Variants in SYCP2 observed in about 807,000 individuals in gnomAD.
SYCP2 encodes synaptonemal complex lateral element protein.
SYCP2 carries 55 observed loss-of-function variants against 211.3 expected under a neutral mutation model. The ratio of observed to expected loss-of-function variants is 0.26; its 90% CI spans 0.21 to 0.33. SYCP2 has a LOEUF of 0.33. Ranked by LOEUF, SYCP2 falls within the 10% of genes least tolerant of loss-of-function variation. The pLI is 1.00. For synonymous variants in SYCP2, 570 were observed against 555.2 expected (o/e 1.03, Z -0.37); for missense variants, 1,731 against 1,752.0 (o/e 0.99, Z 0.21).
At chr20:59,894,101 T>A (rs1364392403) in intron 20 of SYCP2, among the ~76,000 whole-genome samples, 1 of 152,060 alleles carries the variant, frequency 6.6e-6, no homozygotes, top group African/African-American at 2.4e-5. Context: ...GCTTCCCTAT[T>A]TCCATAGCCA....
At chr20:59,933,255 G>C (rs1328531877) in intron 1 of SYCP2, 1 of 151,858 alleles carries the variant, frequency 6.6e-6, no homozygotes, top group East Asian at 2.0e-4. Context: ...CCACGCGCGG[G>C]GGCGGCTCCG....
chr20:59,904,903 G>A (rs183972510), intron 15 of SYCP2, among the ~76,000 whole-genome samples: 3 of 152,246 alleles, frequency 2.0e-5, no homozygotes, highest in Non-Finnish European at 4.4e-5. Flanking sequence ...AGATGGGAAA[G>A]TGCCATATAA....
intron 9 of SYCP2, 111 bp downstream of exon 9, chr20:59,915,354 A>C: frequency 1.0e-6 from 1 of 976,342 alleles, no homozygotes. Context: ...TTATATTAAA[A>C]AGCTGCAACA....
Position 59,921,244 on chromosome 20 carries a change from C to T in SYCP2, c.168+66G>A, listed in dbSNP as rs776437681. 510 of 1,406,694 alleles carry T rather than the reference C, an allele frequency of 3.6e-4. 1 individual carries two copies. Among genetic ancestry groups the T allele is most frequent in the Admixed American group, 7.6e-4 (31 of 40,848 alleles). 87.1% of individuals were successfully genotyped at this position (1,406,694 alleles called of 1,614,324 possible). A position where few individuals can be genotyped will look rare whatever the true frequency, so the allele number is the denominator to read the frequency against. ...CTATTCATTTTTTTCTAATGGAGTA[C>T]TTCCTTCTAAAACTAGAGTTCTATC... On this transcript the variant is annotated intron_variant, in intron 4 of 44. Coordinates refer to ENST00000357552, the MANE Select transcript of SYCP2 (RefSeq NM_014258.4).
At chr20:59,912,712 G>A (rs372267546) in intron 12 of SYCP2, among the ~76,000 whole-genome samples, 13 of 152,086 alleles carry the variant, frequency 8.5e-5, no homozygotes, top group South Asian at 2.1e-4. Context: ...CCCAAATCTC[G>A]TCTTGAATGG....
chr20:59,876,895 C>T (rs2059571216), intron 33 of SYCP2, among the ~76,000 whole-genome samples: 1 of 152,106 alleles, frequency 6.6e-6, no homozygotes, highest in Non-Finnish European at 1.5e-5. Flanking sequence ...CTCATTACTT[C>T]TATAGATGGT....
At chr20:59,880,595 G>A (rs1600840937) in intron 30 of SYCP2, 124 bp from the exon 31 acceptor site, 2 of 567,540 alleles carry the variant, frequency 3.5e-6, no homozygotes, top group Non-Finnish European at 5.9e-6. Flanking sequence ...AAACTAACTT[G>A]TCATTTCTTA....
intron 2 of SYCP2, among the ~76,000 whole-genome samples, chr20:59,928,332 C>T (rs553568733): frequency 2.0e-5 from 3 of 152,192 alleles, no homozygotes; most frequent in Non-Finnish European, 2.9e-5. Context: ...GATATGAATA[C>T]ATGGAGTTGT....
intron 21 of SYCP2, 122 bp from the exon 22 acceptor site, chr20:59,893,321 C>T: frequency 1.3e-6 from 1 of 772,934 alleles, no homozygotes; most frequent in East Asian, 2.7e-5. Context: ...ATCGATTTTG[C>T]ATCCTCTCTC....
chr20:59,872,821 C>T (rs1381013183), intron 35 of SYCP2, among the ~76,000 whole-genome samples: 1 of 151,968 alleles, frequency 6.6e-6, no homozygotes, highest in Non-Finnish European at 1.5e-5. Flanking sequence ...TCAGATTTCA[C>T]CATAATTTAA....
chr20:59,919,797 T>G (rs1766924829), intron 5 of SYCP2, among the ~76,000 whole-genome samples, 200 bp from the exon 6 acceptor site: 1 of 151,680 alleles, frequency 6.6e-6, no homozygotes, highest in Non-Finnish European at 1.5e-5. Flanking sequence ...AAAATGGGAA[T>G]AGATGAAGTT....
chr20:59,895,018 C>T (rs2145748436), intron 20 of SYCP2, among the ~76,000 whole-genome samples: 1 of 152,174 alleles, frequency 6.6e-6, no homozygotes, highest in African/African-American at 2.4e-5. Flanking sequence ...TTGGTTCCTA[C>T]TGCATCCTAT....
intron 30 of SYCP2, among the ~76,000 whole-genome samples, 185 bp downstream of exon 30, chr20:59,880,781 G>C (rs1044263951): frequency 4.6e-5 from 7 of 151,512 alleles, no homozygotes; most frequent in African/African-American, 1.7e-4. Context: ...ACTAAACGTG[G>C]CATTTCTTTT....
intron 18 of SYCP2, among the ~76,000 whole-genome samples, chr20:59,899,364 G>A (rs999693921): frequency 1.3e-5 from 2 of 152,200 alleles, no homozygotes; most frequent in Admixed American, 1.3e-4. Context: ...TTCAGGAAAG[G>A]TCTTGGAGAG....
At chr20:59,867,950 G>A (rs2059383305) in intron 38 of SYCP2, 103 bp from the exon 39 acceptor site, 3 of 778,490 alleles carry the variant, frequency 3.9e-6, no homozygotes, top group Non-Finnish European at 6.1e-6. Context: ...CCGAATCTAT[G>A]TGTAACCTAA....
intron 28 of SYCP2, 96 bp downstream of exon 28, chr20:59,881,849 T>G: frequency 1.1e-6 from 1 of 912,808 alleles, no homozygotes. Context: ...TTAAAGCATA[T>G]GAGGATGCAC....
intron 14 of SYCP2, among the ~76,000 whole-genome samples, chr20:59,911,065 A>T (rs754378623): frequency 6.6e-6 from 1 of 152,234 alleles, no homozygotes; most frequent in Non-Finnish European, 1.5e-5. Flanking sequence ...CTAAAGCCTT[A>T]TTATAATATC....
At chr20:59,883,668 T>C (rs2059729141) in intron 26 of SYCP2, among the ~76,000 whole-genome samples, 2 of 150,508 alleles carry the variant, frequency 1.3e-5, no homozygotes, top group South Asian at 4.2e-4. Flanking sequence ...TCTATAGACA[T>C]AAGATAATAA....
At chr20:59,897,348 A>G (rs1238789469) in intron 18 of SYCP2, among the ~76,000 whole-genome samples, 1 of 152,216 alleles carries the variant, frequency 6.6e-6, no homozygotes, top group Non-Finnish European at 1.5e-5. Flanking sequence ...TTCTGAGCCA[A>G]CAGATTTTTC....
Sources: gnomAD v4.1 joint callset for allele counts (sites outside exome capture counted in the v4.1 genomes callset) on GRCh38, gnomAD v4.1.1 for gene constraint, MANE v1.5 for transcripts, NCBI Gene and HGNC (gene_info 2026-07-23, HGNC 2026-07-21) for gene names.